RNF144B: variants seen among roughly 807,000 people sequenced by gnomAD.
RNF144B encodes the protein ring finger protein 144B.
RNF144B carries 25 observed loss-of-function variants against 40.2 expected under a neutral mutation model. The observed-to-expected ratio is 0.62, with a 90% confidence interval of 0.45 to 0.87. The LOEUF is 0.87. Ranked by LOEUF, RNF144B falls within the 40% of genes least tolerant of loss-of-function variation. RNF144B has a pLI of 0.00. For missense variants in RNF144B, 365 were observed against 373.7 expected, an observed-to-expected ratio of 0.98 and a Z score of 0.19; for synonymous variants, 145 against 136.3, an observed-to-expected ratio of 1.06 and a Z score of -0.44.
chr6:18,461,233 G>T lies in RNF144B; in HGVS notation c.681+1482G>T, dbSNP rs116745368. Among the ~76,000 whole-genome samples the T allele has an allele frequency of 5.2e-3, 796 of 152,268 alleles. 12 individuals carry two copies. Among genetic ancestry groups the T allele is most frequent in the African/African-American group, 0.018 (736 of 41,558 alleles). ...AAAATGGACATTTTAGACTCTAGAAGTTCAGCAGCTCAGTTTGGAAGAAAT... is the reference window on the plus strand; with the variant it reads ...AAAATGGACATTTTAGACTCTAGAATTTCAGCAGCTCAGTTTGGAAGAAAT... On this transcript the variant is annotated intron_variant, in intron 6 of 7. Coordinates refer to ENST00000259939, the MANE Select transcript of RNF144B (RefSeq NM_182757.4).
Position 18,441,255 on chromosome 6 carries a change from A to G in RNF144B, c.331+1511A>G, listed in dbSNP as rs1758958731. Among the ~76,000 whole-genome samples, 1 of 152,238 alleles carries G rather than the reference A, an allele frequency of 6.6e-6. No homozygotes were observed. Among genetic ancestry groups the G allele is most frequent in the Non-Finnish European group, 1.5e-5 (1 of 68,046 alleles). On this transcript the variant is annotated intron_variant, in intron 4 of 7. Coordinates refer to ENST00000259939, the MANE Select transcript of RNF144B (RefSeq NM_182757.4). This position sits in a 1 kb window ranked among gnomAD's most constrained non-coding sequence, Gnocchi z 4.9. ...AATCAATTATAATTAGAACATGGACATTCCCAGTATTCACCCTGTGGATGC... is the reference window on the plus strand; with the variant it reads ...AATCAATTATAATTAGAACATGGACGTTCCCAGTATTCACCCTGTGGATGC...
In RNF144B at chr6:18,467,218, T is replaced by G. The variant is rs1335959737; in HGVS notation, c.*2151T>G. On this transcript the variant is annotated 3_prime_UTR_variant, in exon 8 of 8. Transcript: ENST00000259939. ...TCCTCTGTCAGTAAACTCTTTAAGC[T>G]TGGTGCTGCAAAGAGTCTTTAAATG... is the stretch of plus-strand genomic sequence containing the variant. The G allele has an allele frequency of 6.6e-6, 1 of 152,566 alleles. No individual in the cohort carries two copies. Among genetic ancestry groups the G allele is most frequent in the East Asian group, 1.9e-4 (1 of 5,196 alleles). The allele number at this position is 152,566 out of a possible 1,614,324, so 9.5% of individuals were successfully genotyped here.
intron 1 of RNF144B, chr6:18,396,498 A>T: frequency 2.0e-6 from 2 of 984,832 alleles, no homozygotes; most frequent in Non-Finnish European, 2.4e-6. Context: ...GAACAACAGG[A>T]TTGGCTATTC....
At chr6:18,438,743 A>G (rs988590376) in intron 3 of RNF144B, among the ~76,000 whole-genome samples, 3 of 152,106 alleles carry the variant, frequency 2.0e-5, no homozygotes, top group African/African-American at 7.2e-5. Flanking sequence ...TTTGTGCCAA[A>G]AAAAGGTGAT....
chr6:18,467,654 T>TA lies in RNF144B; in HGVS notation c.*2587_*2588insA, dbSNP rs1481896523. 3.2e-4 allele frequency: 48 copies of TA among 149,126 alleles called. No homozygotes were observed. Among genetic ancestry groups the TA allele is most frequent in the African/African-American group, 1.1e-3 (46 of 40,906 alleles). The allele number at this position is 149,126 out of a possible 1,614,324, so 9.2% of individuals were successfully genotyped here. A position where few individuals can be genotyped will look rare whatever the true frequency, so the allele number is the denominator to read the frequency against. On this transcript the variant is annotated 3_prime_UTR_variant, in exon 8 of 8. Transcript: ENST00000259939. ...AGCTGGCGACTTATTTTTATTTTTA[T>TA]TTTTTGGACAGAGTCTCCCTTTGTC...
chr6:18,421,145 CAG>C (rs1758406540), intron 2 of RNF144B, among the ~76,000 whole-genome samples: 1 of 151,662 alleles, frequency 6.6e-6, no homozygotes, highest in Non-Finnish European at 1.5e-5. Flanking sequence ...CCCAGCTACT[CAG>C]AGGCTGAGGT....
chr6:18,457,141 T>C lies in RNF144B; in HGVS notation c.332-14T>C, dbSNP rs1228491461. 1.9e-6 allele frequency: 3 copies of C among 1,598,912 alleles called. No homozygotes were observed. In the Admixed American group the frequency reaches 5.0e-5, roughly 27 times the overall value. On this transcript the variant is annotated splice_polypyrimidine_tract_variant and intron_variant, in intron 4 of 7. Transcript: ENST00000259939. This position sits in a 1 kb window ranked among gnomAD's most constrained non-coding sequence, Gnocchi z 5.1. ...ATCGGGCAGACCATCACATTTTCTT[T>C]CTTTACACTTTAGAAGTTCATCTGG...
intron 3 of RNF144B, among the ~76,000 whole-genome samples, chr6:18,431,073 C>A (rs917347970): frequency 6.6e-6 from 1 of 151,864 alleles, no homozygotes; most frequent in Non-Finnish European, 1.5e-5. Flanking sequence ...AAACCCCTTT[C>A]TACTAAAAAG....
chr6:18,401,818 A>G (rs1046180916), intron 2 of RNF144B: 2 of 152,196 alleles, frequency 1.3e-5, no homozygotes, highest in Non-Finnish European at 1.5e-5. Flanking sequence ...TGTGCCTACC[A>G]TATATTTAAA....
rs1238874407 is a variant in RNF144B at position 18,387,425 on chromosome 6, A to C, written c.-242A>C. 2 of 1,184,276 alleles carry C rather than the reference A, an allele frequency of 1.7e-6. No homozygotes were observed. The highest frequency in any genetic ancestry group is 6.5e-5 in the Admixed American group (2 of 30,752). 73.4% of individuals were successfully genotyped at this position (1,184,276 alleles called of 1,614,324 possible). Reference sequence around the variant, plus strand: ...AGTCAAGGCTAGGAGGCGGTCGGGGACTCCGCCTCCTCCCGACCCGTAGGT... The same window carrying C: ...AGTCAAGGCTAGGAGGCGGTCGGGGCCTCCGCCTCCTCCCGACCCGTAGGT... On this transcript the variant is annotated 5_prime_UTR_variant, in exon 1 of 8. Transcript: ENST00000259939.
chr6:18,395,571 T>C lies in RNF144B; in HGVS notation c.-36-3928T>C, dbSNP rs1246299534. Among the ~76,000 whole-genome samples, 5 of 139,116 alleles carry C rather than the reference T, an allele frequency of 3.6e-5. No homozygotes were observed. The highest frequency in any genetic ancestry group is 7.9e-5 in the African/African-American group (3 of 37,934). The allele number at this position is 139,116 out of a possible 152,430, so 91.3% of individuals were successfully genotyped here. Reference sequence around the variant, plus strand: ...ATCAATGGTGAAAGGATTTCTTGTTTGATATTCTTTTTTTTTTTTAAATGA... The same window carrying C: ...ATCAATGGTGAAAGGATTTCTTGTTCGATATTCTTTTTTTTTTTTAAATGA... On this transcript the variant is annotated intron_variant, in intron 1 of 7. Transcript: ENST00000259939. This position sits in a 1 kb window ranked among gnomAD's most constrained non-coding sequence, Gnocchi z 4.5.
At chr6:18,436,580 G>C (rs1229085763) in intron 3 of RNF144B, among the ~76,000 whole-genome samples, 1 of 151,946 alleles carries the variant, frequency 6.6e-6, no homozygotes. Flanking sequence ...TTTATATAAT[G>C]GTCTGGTGTG....
chr6:18,467,256 A>G lies in RNF144B; in HGVS notation c.*2189A>G, dbSNP rs1299680385. ...GAGTCTTTAAATGGGGGCTGATTTC[A>G]AGTAACCTAAAAGACTGTGTTATCA... On this transcript the variant is annotated 3_prime_UTR_variant, in exon 8 of 8. Transcript: ENST00000259939. 1 of 152,596 alleles carries G rather than the reference A, an allele frequency of 6.6e-6. No individual in the cohort carries two copies. The highest frequency in any genetic ancestry group is 1.5e-5 in the Non-Finnish European group (1 of 68,030). 9.5% of individuals were successfully genotyped at this position (152,596 alleles called of 1,614,324 possible). A position where few individuals can be genotyped will look rare whatever the true frequency, so the allele number is the denominator to read the frequency against.
intron 1 of RNF144B, among the ~76,000 whole-genome samples, chr6:18,388,091 T>C (rs576833709): frequency 5.9e-5 from 9 of 152,204 alleles, no homozygotes; most frequent in Non-Finnish European, 1.2e-4. Flanking sequence ...ATCTTTTGCT[T>C]ATTCTTTCTA....
At chr6:18,436,580 G>T (rs1229085763) in intron 3 of RNF144B, among the ~76,000 whole-genome samples, 1 of 151,946 alleles carries the variant, frequency 6.6e-6, no homozygotes, top group African/African-American at 2.4e-5. Context: ...TTTATATAAT[G>T]GTCTGGTGTG....
intron 2 of RNF144B, among the ~76,000 whole-genome samples, chr6:18,420,196 C>T (rs1795229780): frequency 2.0e-5 from 3 of 151,490 alleles, no homozygotes; most frequent in Admixed American, 2.0e-4. Context: ...ATTATACTTA[C>T]TAGTCTACCA....
rs1299429035 is a variant in RNF144B, at chr6:18,468,389, T to C, written c.*3322T>C. 1 of 152,226 alleles carries C rather than the reference T, an allele frequency of 6.6e-6. No homozygotes were observed. The highest frequency in any genetic ancestry group is 1.5e-5 in the Non-Finnish European group (1 of 68,048). 9.4% of individuals were successfully genotyped at this position (152,226 alleles called of 1,614,324 possible). ...GTATTTGCTTTGGACTTGGAGTCTG[T>C]ACTTTGAAAGAGGCCTTTGAAAAAC... On this transcript the variant is annotated 3_prime_UTR_variant, in exon 8 of 8. Coordinates refer to ENST00000259939, the MANE Select transcript of RNF144B (RefSeq NM_182757.4).
At position 18,448,581 on chromosome 6, in the gene RNF144B, C is replaced by T. The variant is rs1490514692; in HGVS notation, c.332-8574C>T. On this transcript the variant is annotated intron_variant, in intron 4 of 7. Transcript: ENST00000259939. The surrounding 1 kb of genome is among the most constrained non-coding windows in gnomAD (Gnocchi z 4.0). ...TCCCAGGTTGCATCCATTCATAAAT[C>T]ATCCAGCAGATATTTATAGAGCACC... 2.6e-5 allele frequency among the ~76,000 whole-genome samples: 4 copies of T among 152,046 alleles called. 1 individual carries two copies. Among genetic ancestry groups the T allele is most frequent in the Non-Finnish European group, 5.9e-5 (4 of 68,018 alleles).
At chr6:18,388,281 A>C (rs1794508150) in intron 1 of RNF144B, among the ~76,000 whole-genome samples, 1 of 152,150 alleles carries the variant, frequency 6.6e-6, no homozygotes. Flanking sequence ...CATGTATCTT[A>C]TCAAAACATT....
Sources: gnomAD v4.1 joint callset for allele counts (sites outside exome capture counted in the v4.1 genomes callset) on GRCh38, gnomAD v4.1.1 for gene constraint, Gnocchi (gnomAD v3.1) non-coding constraint, MANE v1.5 for transcripts, NCBI Gene and HGNC (gene_info 2026-07-23, HGNC 2026-07-21) for gene names.